SUMF1: variants seen among roughly 807,000 people sequenced by gnomAD.
SUMF1 encodes the protein formylglycine-generating enzyme.
A neutral mutation model predicts 47.6 loss-of-function variants in SUMF1; 48 were observed. That is an observed-to-expected ratio of 1.01 (90% CI 0.80 to 1.28). SUMF1 has a LOEUF of 1.28. Among genes scored for constraint, SUMF1 ranks in the 50% most tolerant of loss-of-function variants. The pLI, the probability that SUMF1 is intolerant of heterozygous loss-of-function variation, is 0.00. For synonymous variants in SUMF1, 230 were observed against 192.1 expected (o/e 1.20, Z -1.63); for missense variants, 571 against 485.4 (o/e 1.18, Z -1.66).
chr3:4,259,345 T>G (rs1697034838), intron 8 of SUMF1, among the ~76,000 whole-genome samples: 1 of 152,212 alleles, frequency 6.6e-6, no homozygotes, highest in Admixed American at 6.5e-5. Flanking sequence ...TATTGCAATT[T>G]TAGCTTACAT....
At chr3:4,221,695 G>A (rs1011350201) in intron 8 of SUMF1, among the ~76,000 whole-genome samples, 1 of 152,110 alleles carries the variant, frequency 6.6e-6, no homozygotes, top group African/African-American at 2.4e-5. Context: ...ATTCTCTAGT[G>A]AATGGGACAG....
intron 2 of SUMF1, among the ~76,000 whole-genome samples, chr3:4,451,824 C>T (rs912089064): frequency 2.0e-5 from 3 of 152,136 alleles, no homozygotes; most frequent in Non-Finnish European, 2.9e-5. Flanking sequence ...GCTGGGACTA[C>T]GGGTGCCCGC....
At chr3:4,405,285 C>T (rs1003440424) in intron 7 of SUMF1, among the ~76,000 whole-genome samples, 1 of 152,210 alleles carries the variant, frequency 6.6e-6, no homozygotes, top group Admixed American at 6.5e-5. Context: ...ACTTAATGTG[C>T]TATGTGTGGA....
At chr3:4,357,109 C>A (rs565283150), downstream of SUMF1, among the ~76,000 whole-genome samples, 1 of 152,252 alleles carries the variant, frequency 6.6e-6, no homozygotes, top group South Asian at 2.1e-4. Flanking sequence ...CATAGCCAGC[C>A]TGCAGGTTAA....
At chr3:4,114,929 G>A (rs1305948853) in intron 8 of SUMF1, among the ~76,000 whole-genome samples, 1 of 152,030 alleles carries the variant, frequency 6.6e-6, no homozygotes, top group Non-Finnish European at 1.5e-5. Context: ...GGAAGCACTG[G>A]GTGGAGAAAC....
chr3:4,289,829 G>A (rs982964503), intron 8 of SUMF1, among the ~76,000 whole-genome samples: 7 of 148,376 alleles, frequency 4.7e-5, no homozygotes, highest in South Asian at 4.2e-4. Context: ...TAATAAACAC[G>A]CTGAATAACT....
intron 8 of SUMF1, among the ~76,000 whole-genome samples, chr3:4,077,651 T>C (rs964611120): frequency 1.2e-4 from 18 of 152,056 alleles, no homozygotes; most frequent in East Asian, 7.8e-4. Flanking sequence ...CACCAGGGCC[T>C]GTCATCGGGT....
At chr3:4,254,017 C>G (rs531547135) in intron 8 of SUMF1, among the ~76,000 whole-genome samples, 25 of 150,992 alleles carry the variant, frequency 1.7e-4, no homozygotes, top group African/African-American at 5.1e-4. Flanking sequence ...ACACCACACA[C>G]AGCAGGGTAT....
At chr3:4,204,550 C>A (rs903805771) in intron 8 of SUMF1, among the ~76,000 whole-genome samples, 9 of 152,096 alleles carry the variant, frequency 5.9e-5, no homozygotes, top group African/African-American at 2.2e-4. Context: ...TTGTTATTAT[C>A]TCTTTGAATA....
intron 7 of SUMF1, among the ~76,000 whole-genome samples, chr3:4,404,717 T>C (rs1251418448): frequency 1.3e-5 from 2 of 152,308 alleles, no homozygotes; most frequent in African/African-American, 2.4e-5. Context: ...TGAGCTGAGA[T>C]AGTGCCATTG....
intron 8 of SUMF1, chr3:4,303,255 T>A: frequency 8.3e-7 from 1 of 1,207,708 alleles, no homozygotes; most frequent in Non-Finnish European, 1.1e-6. Flanking sequence ...AGGCCACTCC[T>A]GAGAAGAAAC....
chr3:4,144,864 C>T (rs1265930408), intron 8 of SUMF1, among the ~76,000 whole-genome samples: 3 of 152,022 alleles, frequency 2.0e-5, no homozygotes, highest in Non-Finnish European at 2.9e-5. Context: ...TTCCTAAAAG[C>T]GGAACAAACC....
At position 4,241,037 on chromosome 3, in the gene SUMF1, C is replaced by T. The variant is rs1482254831; in HGVS notation, c.1014+135293G>A. ...AAAGCACATTTATATGTGTAGAAAG[C>T]ACATTTATATCAGTAGAAAGTAATT... On this transcript the variant is annotated intron_variant and NMD_transcript_variant, in intron 8 of 12. Transcript: ENST00000448413. Among the ~76,000 whole-genome samples the T allele has an allele frequency of 1.3e-5, 2 of 151,928 alleles. 1 individual carries two copies. Among genetic ancestry groups the T allele is most frequent in the Non-Finnish European group, 2.9e-5 (2 of 67,982 alleles).
intron 8 of SUMF1, among the ~76,000 whole-genome samples, chr3:4,292,949 A>G (rs992187482): frequency 6.6e-6 from 1 of 152,202 alleles, no homozygotes; most frequent in Non-Finnish European, 1.5e-5. Context: ...TGTTCTTCTA[A>G]GCTAAGCTCA....
At position 4,218,474 on chromosome 3, in the gene SUMF1, A is replaced by G. The variant is rs113907382; in HGVS notation, c.1015-149729T>C. 1.2e-4 allele frequency among the ~76,000 whole-genome samples: 16 copies of G among 133,816 alleles called. 1 individual carries two copies. The highest frequency in any genetic ancestry group is 3.8e-4 in the African/African-American group (15 of 39,258). 87.8% of individuals were successfully genotyped at this position (133,816 alleles called of 152,430 possible). A position where few individuals can be genotyped will look rare whatever the true frequency, so the allele number is the denominator to read the frequency against. On this transcript the variant is annotated intron_variant and NMD_transcript_variant, in intron 8 of 12. Transcript: ENST00000448413. ...TGTGTTTTTTGTGTGGACAAGCAGT[A>G]TAAGGAAGAATAAACATGTGTGAAG...
At chr3:4,443,057 C>T (rs1702658355) in intron 3 of SUMF1, among the ~76,000 whole-genome samples, 1 of 151,936 alleles carries the variant, frequency 6.6e-6, no homozygotes, top group African/African-American at 2.4e-5. Flanking sequence ...AGATGGATCA[C>T]CTGAACTCAG....
chr3:4,218,527 C>A (rs1695989961), intron 8 of SUMF1, among the ~76,000 whole-genome samples: 1 of 152,044 alleles, frequency 6.6e-6, no homozygotes, highest in African/African-American at 2.4e-5. Context: ...ATTTACAAGA[C>A]TTTGGCTCAT....
At position 4,464,117 on chromosome 3, in the gene SUMF1, C is replaced by T. The variant is rs775036648; in HGVS notation, c.270+2859G>A. On this transcript the variant is annotated intron_variant, in intron 1 of 8. Coordinates refer to ENST00000272902, the MANE Select transcript of SUMF1 (RefSeq NM_182760.4). ...TACATTAAAAAGTGTGAACATGTCA[C>T]TCCCAGATCTTAAATCACTTATGTT... Among the ~76,000 whole-genome samples, 6 of 152,206 alleles carry T rather than the reference C, an allele frequency of 3.9e-5. No homozygotes were observed. The South Asian group carries it at 6.2e-4, about 16-fold the overall frequency.
rs1028667333 is a variant in SUMF1 at position 4,159,099 on chromosome 3, G to A, written c.1015-90354C>T. Among the ~76,000 whole-genome samples the A allele has an allele frequency of 2.0e-5, 3 of 151,308 alleles. 1 individual carries two copies. The highest frequency in any genetic ancestry group is 4.9e-5 in the African/African-American group (2 of 40,756). On this transcript the variant is annotated intron_variant and NMD_transcript_variant, in intron 8 of 12. Transcript: ENST00000448413. ...GAATAGTTCATACACCACAATTACA[G>A]TGTAATAATATTCTGTGTTTCTCTG...
Sources: allele counts gnomAD v4.1 joint callset (sites outside exome capture counted in the v4.1 genomes callset), GRCh38; gene constraint gnomAD v4.1.1; transcripts MANE v1.5; gene names NCBI Gene and HGNC (gene_info 2026-07-23, HGNC 2026-07-21).